FXN: variants seen among roughly 807,000 people sequenced by gnomAD.
FXN encodes the protein frataxin, mitochondrial.
FXN carries 14 observed loss-of-function variants against 22.4 expected under a neutral mutation model. The observed-to-expected ratio is 0.62, with a 90% CI of 0.41 to 0.98. The LOEUF is 0.98. Ranked by LOEUF, FXN falls within the 50% of genes least tolerant of loss-of-function variation. The pLI is 0.00. For synonymous variants in FXN, 120 were observed against 114.1 expected, an observed-to-expected ratio of 1.05 and a Z score of -0.33; for missense variants, 267 against 268.4, an observed-to-expected ratio of 0.99 and a Z score of 0.04.
In FXN at chr9:69,077,089, T is replaced by C. The variant is rs1832384161; in HGVS notation, c.*4327T>C. The C allele has an allele frequency of 2.1e-6, 1 of 471,126 alleles. No individual in the cohort carries two copies. The allele number at this position is 471,126 out of a possible 1,614,324, so 29.2% of individuals were successfully genotyped here. A position where few individuals can be genotyped will look rare whatever the true frequency, so the allele number is the denominator to read the frequency against. On this transcript the variant is annotated 3_prime_UTR_variant, in exon 5 of 5. Transcript: ENST00000484259. ...CCACCACACCCGGCTAATTTTTGTA[T>C]TTTTAGTAGAGACGGGGTTTCACCA...
chr9:69,073,754 C>T lies in FXN; in HGVS notation c.*992C>T, dbSNP rs760020074. 7.5e-5 allele frequency: 74 copies of T among 985,280 alleles called. No homozygotes were observed. The highest frequency in any genetic ancestry group is 8.6e-5 in the Non-Finnish European group (71 of 829,932). 61.0% of individuals were successfully genotyped at this position (985,280 alleles called of 1,614,324 possible). ...GATTCCCAGCATTCAGTGGTCCTGTCAAGCAACCTAACAGGCTAGTTCTAA... is the reference window on the plus strand; with the variant it reads ...GATTCCCAGCATTCAGTGGTCCTGTTAAGCAACCTAACAGGCTAGTTCTAA... On this transcript the variant is annotated 3_prime_UTR_variant, in exon 5 of 5. Transcript: ENST00000484259.
chr9:69,040,683 T>TA (rs1564328905), intron 1 of FXN, among the ~76,000 whole-genome samples: 12 of 151,926 alleles, frequency 7.9e-5, no homozygotes, highest in African/African-American at 2.9e-4. Context: ...AAAAAATAAA[T>TA]AAATAAATAA....
rs1832264874 is a variant in FXN at position 69,071,007 on chromosome 9, G to GT, written c.483-1601dup. Among the ~76,000 whole-genome samples, 3 of 152,088 alleles carry GT rather than the reference G, an allele frequency of 2.0e-5. No homozygotes were observed. In the South Asian group the frequency reaches 6.2e-4, roughly 32 times the overall value. On this transcript the variant is annotated intron_variant, in intron 4 of 4. Transcript: ENST00000484259. ...TTGTTTGTTTTTTTTAATTTGACAA[G>GT]TTTTCAGGTCCTGTGAAATCAGCAG...
intron 4 of FXN, among the ~76,000 whole-genome samples, chr9:69,065,669 T>G (rs1269243068): frequency 6.6e-6 from 1 of 152,192 alleles, no homozygotes; most frequent in Non-Finnish European, 1.5e-5. Context: ...CTGCTGACAA[T>G]TTGGATACTG....
intron 1 of FXN, among the ~76,000 whole-genome samples, chr9:69,043,113 G>C (rs1040701143): frequency 6.6e-6 from 1 of 152,182 alleles, no homozygotes; most frequent in Non-Finnish European, 1.5e-5. Flanking sequence ...GATGTGTGCA[G>C]AGCGGCAAAA....
chr9:69,057,101 A>C (rs992745163), intron 3 of FXN, among the ~76,000 whole-genome samples: 1 of 152,104 alleles, frequency 6.6e-6, no homozygotes, highest in African/African-American at 2.4e-5. Flanking sequence ...GCTAGTTTCT[A>C]TTTAGCCCTT....
At chr9:69,061,293 C>G (rs985624267) in intron 3 of FXN, among the ~76,000 whole-genome samples, 25 of 152,102 alleles carry the variant, frequency 1.6e-4, no homozygotes, top group African/African-American at 5.3e-4. Flanking sequence ...ACGCATCTGC[C>G]CCTAGTTCTT....
chr9:69,044,741 T>C (rs1831717012), intron 1 of FXN, among the ~76,000 whole-genome samples: 1 of 152,176 alleles, frequency 6.6e-6, no homozygotes, highest in South Asian at 2.1e-4. Context: ...CCAGTGGCTC[T>C]TGTCTGATTA....
chr9:69,040,846 T>C (rs930367713), intron 1 of FXN, among the ~76,000 whole-genome samples: 1 of 152,076 alleles, frequency 6.6e-6, no homozygotes, highest in African/African-American at 2.4e-5. Flanking sequence ...CCCATATGAT[T>C]GGGATTAGTG....
At position 69,075,734 on chromosome 9, in the gene FXN, C is replaced by A. The variant is rs985906285; in HGVS notation, c.*2972C>A. On this transcript the variant is annotated 3_prime_UTR_variant, in exon 5 of 5. Transcript: ENST00000484259. The stretch of plus-strand genomic sequence containing the variant: ...TACAATCTTAGAAAACTTTTTTTTC[C>A]CCTTTCTATTTTTTGAGACAGGATC... 3 of 981,180 alleles carry A rather than the reference C, an allele frequency of 3.1e-6. No individual in the cohort carries two copies. In the East Asian group the frequency reaches 3.4e-4, roughly 111 times the overall value. 60.8% of individuals were successfully genotyped at this position (981,180 alleles called of 1,614,324 possible). A position where few individuals can be genotyped will look rare whatever the true frequency, so the allele number is the denominator to read the frequency against.
chr9:69,076,459 C>T lies in FXN; in HGVS notation c.*3697C>T, dbSNP rs1832371364. 1 of 985,278 alleles carries T rather than the reference C, an allele frequency of 1.0e-6. No individual in the cohort carries two copies. The highest frequency in any genetic ancestry group is 1.7e-5 in the African/African-American group (1 of 57,230). The allele number at this position is 985,278 out of a possible 1,614,324, so 61.0% of individuals were successfully genotyped here. ...TAACTTCGTATTAGATTCTGATTCC[C>T]TGGAACCATTTATCGTGTGCCTTAC... On this transcript the variant is annotated 3_prime_UTR_variant, in exon 5 of 5. Coordinates refer to ENST00000484259, the MANE Select transcript of FXN (RefSeq NM_000144.5).
chr9:69,073,224 T>G lies in FXN; in HGVS notation c.*462T>G. ...CACATTAAAGGGTAGCCTACAAATG[T>G]TTTCAGGCTTCTTTCAAAGTGTAAG... On this transcript the variant is annotated 3_prime_UTR_variant, in exon 5 of 5. Transcript: ENST00000484259. 1 of 1,035,414 alleles carries G rather than the reference T, an allele frequency of 9.7e-7. No homozygotes were observed. Among genetic ancestry groups the G allele is most frequent in the Non-Finnish European group, 1.2e-6 (1 of 860,610 alleles). 64.1% of individuals were successfully genotyped at this position (1,035,414 alleles called of 1,614,324 possible).
chr9:69,077,491 T>G lies in FXN; in HGVS notation c.*4729T>G, dbSNP rs79687055. ...ATCAGCACCCAGCAGTAAAATTGGC[T>G]CTCAAAGATTTTCTTCTCCTGTGGA... is the stretch of plus-strand genomic sequence containing the variant. On this transcript the variant is annotated 3_prime_UTR_variant, in exon 5 of 5. Coordinates refer to ENST00000484259, the MANE Select transcript of FXN (RefSeq NM_000144.5). The G allele has an allele frequency of 0.01, 10,169 of 985,374 alleles. 65 individuals are homozygous for G. Among genetic ancestry groups the G allele is most frequent in the Non-Finnish European group, 0.011 (9,188 of 829,874 alleles). 61.0% of individuals were successfully genotyped at this position (985,374 alleles called of 1,614,324 possible). A position where few individuals can be genotyped will look rare whatever the true frequency, so the allele number is the denominator to read the frequency against.
chr9:69,051,279 A>G (rs1203374281), intron 2 of FXN, among the ~76,000 whole-genome samples: 1 of 152,012 alleles, frequency 6.6e-6, no homozygotes, highest in African/African-American at 2.4e-5. Context: ...AATTTTTGGT[A>G]GAGACGGGGT....
chr9:69,077,116 C>A lies in FXN; in HGVS notation c.*4354C>A. On this transcript the variant is annotated 3_prime_UTR_variant, in exon 5 of 5. Transcript: ENST00000484259. ...TTTAGTAGAGACGGGGTTTCACCAT[C>A]ATGGCCAGGCTGGTCTTGAACTCCT... 1 of 533,344 alleles carries A rather than the reference C, an allele frequency of 1.9e-6. No individual in the cohort carries two copies. The highest frequency in any genetic ancestry group is 2.4e-6 in the Non-Finnish European group (1 of 417,166). The allele number at this position is 533,344 out of a possible 1,614,324, so 33.0% of individuals were successfully genotyped here. A position where few individuals can be genotyped will look rare whatever the true frequency, so the allele number is the denominator to read the frequency against.
rs1832307687 is a variant in FXN, at chr9:69,073,299, A to G, written c.*537A>G. The G allele has an allele frequency of 5.0e-6, 5 of 1,002,574 alleles. No individual in the cohort carries two copies. The South Asian group carries it at 1.7e-4, about 34-fold the overall frequency. The allele number at this position is 1,002,574 out of a possible 1,614,324, so 62.1% of individuals were successfully genotyped here. A position where few individuals can be genotyped will look rare whatever the true frequency, so the allele number is the denominator to read the frequency against. ...AGTGTCGAAAGCAACTCACACGGGA[A>G]GATCATTTCTTATTTGTGCTCTGTG... On this transcript the variant is annotated 3_prime_UTR_variant, in exon 5 of 5. Transcript: ENST00000484259.
At chr9:69,052,693 T>C (rs974265601) in intron 2 of FXN, among the ~76,000 whole-genome samples, 4 of 151,668 alleles carry the variant, frequency 2.6e-5, no homozygotes, top group Admixed American at 6.6e-5. Flanking sequence ...CAGGCACCCG[T>C]CACCACGCCC....
At chr9:69,070,915 C>CAG (rs1832262596) in intron 4 of FXN, among the ~76,000 whole-genome samples, 1 of 151,966 alleles carries the variant, frequency 6.6e-6, no homozygotes, top group Non-Finnish European at 1.5e-5. Context: ...AAGCAATCCT[C>CAG]CCACATCAGC....
intron 1 of FXN, among the ~76,000 whole-genome samples, chr9:69,037,931 C>T (rs1446979534): frequency 1.3e-5 from 2 of 152,208 alleles, no homozygotes; most frequent in Non-Finnish European, 2.9e-5. Flanking sequence ...GAATTACAGG[C>T]GTGAGCCACC....
Sources: gnomAD v4.1 joint callset for allele counts (sites outside exome capture counted in the v4.1 genomes callset) on GRCh38, gnomAD v4.1.1 for gene constraint, MANE v1.5 for transcripts, NCBI Gene and HGNC (gene_info 2026-07-23, HGNC 2026-07-21) for gene names.